MEOX2: variants seen among roughly 807,000 people sequenced by gnomAD.
MEOX2 encodes the protein mesenchyme homeobox 2.
MEOX2 carries 11 observed loss-of-function variants against 27.0 expected under a neutral mutation model. That is an observed-to-expected ratio of 0.41 (90% CI 0.26 to 0.68). MEOX2 has a LOEUF of 0.68. MEOX2 is among the 30% of genes least tolerant of loss of function. The pLI is 0.33. For missense variants in MEOX2, 436 were observed against 385.4 expected (o/e 1.13, Z -1.10); for synonymous variants, 189 against 155.4 (o/e 1.22, Z -1.61).
At chr7:15,653,847 C>T (rs146328408) in intron 1 of MEOX2, among the ~76,000 whole-genome samples, 11 of 151,964 alleles carry the variant, frequency 7.2e-5, no homozygotes, top group Non-Finnish European at 1.2e-4. Flanking sequence ...AAATAGAATC[C>T]GCTACTTCTT....
chr7:15,669,922 CT>C (rs1460235556), intron 1 of MEOX2, among the ~76,000 whole-genome samples: 11 of 152,188 alleles, frequency 7.2e-5, no homozygotes. Context: ...TACTTTCCCC[CT>C]GGAAAATCTA....
chr7:15,651,894 G>C (rs1229199821), intron 1 of MEOX2, among the ~76,000 whole-genome samples: 2 of 151,938 alleles, frequency 1.3e-5, no homozygotes, highest in Non-Finnish European at 2.9e-5. Flanking sequence ...ATCATTAACA[G>C]ACTGACATGA....
chr7:15,686,467 T>C lies in MEOX2; in HGVS notation c.-65A>G. 7.3e-7 allele frequency: 1 copy of C among 1,374,538 alleles called. No homozygotes were observed. 85.1% of individuals were successfully genotyped at this position (1,374,538 alleles called of 1,614,324 possible). On this transcript the variant is annotated 5_prime_UTR_variant, in exon 1 of 3. Transcript: ENST00000262041. ...CGGTTCCAAAGGCCACCACCCTCTG[T>C]CACTTTTTCACTGGAAACCGTGTGA...
intron 1 of MEOX2, among the ~76,000 whole-genome samples, chr7:15,675,481 C>T (rs912330912): frequency 2.6e-5 from 4 of 152,140 alleles, no homozygotes; most frequent in African/African-American, 9.7e-5. Flanking sequence ...AGACTAAAAA[C>T]TTAAGGCTTC....
chr7:15,644,935 T>C (rs766055683), intron 1 of MEOX2, among the ~76,000 whole-genome samples: 1 of 152,126 alleles, frequency 6.6e-6, no homozygotes, highest in Non-Finnish European at 1.5e-5. Flanking sequence ...CTAGAGCCTC[T>C]ACTCACTGGC....
intron 2 of MEOX2, among the ~76,000 whole-genome samples, chr7:15,616,717 A>G (rs1489317052): frequency 2.0e-5 from 3 of 152,082 alleles, no homozygotes; most frequent in Non-Finnish European, 2.9e-5. Context: ...ATATAATAAG[A>G]TTAATTTATA....
rs192539575 is a variant in MEOX2, at chr7:15,655,082, T to A, written c.518-28164A>T. On this transcript the variant is annotated intron_variant, in intron 1 of 2. Coordinates refer to ENST00000262041, the MANE Select transcript of MEOX2 (RefSeq NM_005924.5). ...AAATAAATTTAGAACTATTCAAAAA[T>A]TTTTTTCATATTGGGTGAATTGCAC... Among the ~76,000 whole-genome samples, 19 of 151,784 alleles carry A rather than the reference T, an allele frequency of 1.3e-4. No homozygotes were observed. In the Middle Eastern group the frequency reaches 0.014, roughly 109 times the overall value.
At chr7:15,672,111 A>AAAAAAAAC (rs1782110025) in intron 1 of MEOX2, among the ~76,000 whole-genome samples, 1 of 145,682 alleles carries the variant, frequency 6.9e-6, no homozygotes, top group African/African-American at 2.8e-5. Flanking sequence ...CAAAAAAAAC[A>AAAAAAAAC]AAAAAACAAA....
chr7:15,671,403 T>C (rs58216720), intron 1 of MEOX2, among the ~76,000 whole-genome samples: 169 of 152,330 alleles, frequency 1.1e-3, no homozygotes, highest in African/African-American at 3.9e-3. Context: ...CCTATCAAAA[T>C]GTGTTGCAAT....
At chr7:15,672,288 T>G (rs1445243850) in intron 1 of MEOX2, among the ~76,000 whole-genome samples, 1 of 152,224 alleles carries the variant, frequency 6.6e-6, no homozygotes, top group East Asian at 1.9e-4. Context: ...TAGACTGGCA[T>G]ATTAAATACT....
chr7:15,616,480 A>G (rs1324494056), intron 2 of MEOX2, among the ~76,000 whole-genome samples: 2 of 151,950 alleles, frequency 1.3e-5, no homozygotes, highest in Non-Finnish European at 2.9e-5. Flanking sequence ...ATTCCAGGTT[A>G]TAAATCAATA....
intron 1 of MEOX2, among the ~76,000 whole-genome samples, chr7:15,654,425 A>G (rs1467078278): frequency 2.0e-5 from 3 of 151,572 alleles, no homozygotes; most frequent in Non-Finnish European, 4.4e-5. Context: ...GCCTTATTGA[A>G]TTGGCTATAC....
chr7:15,660,235 A>T (rs1781891066), intron 1 of MEOX2, among the ~76,000 whole-genome samples: 1 of 152,348 alleles, frequency 6.6e-6, no homozygotes, highest in South Asian at 2.1e-4. Flanking sequence ...ATGGAAAATC[A>T]TACTCTTCTG....
At chr7:15,620,679 T>G (rs763307859) in intron 2 of MEOX2, among the ~76,000 whole-genome samples, 4 of 152,228 alleles carry the variant, frequency 2.6e-5, no homozygotes, top group Non-Finnish European at 4.4e-5. Context: ...ATAGCTATTT[T>G]GAAAATACTT....
At chr7:15,620,776 G>A (rs1014244947) in intron 2 of MEOX2, among the ~76,000 whole-genome samples, 4 of 152,070 alleles carry the variant, frequency 2.6e-5, no homozygotes, top group Non-Finnish European at 4.4e-5. Context: ...TCGTTAGGTG[G>A]GATTTTCCAT....
rs1205273561 is a variant in MEOX2 at position 15,686,265 on chromosome 7, T to A, written c.138A>T (p.Ser46=). Residue 46 remains serine (S), a synonymous_variant, in exon 1 of 3, where the codon TCA becomes TCT. Transcript: ENST00000262041. ...TGGGGTATCCCGCGATTATGCAAGATGAGGAAGAAGTAGAGAGCTCGGGGT... is the reference window on the plus strand; with the variant it reads ...TGGGGTATCCCGCGATTATGCAAGAAGAGGAAGAAGTAGAGAGCTCGGGGT... ...MSYPELSTSS[S]SCIIAGYPNE... 2 of 1,612,988 alleles carry A rather than the reference T, an allele frequency of 1.2e-6. No individual in the cohort carries two copies. Among genetic ancestry groups the A allele is most frequent in the Admixed American group, 1.7e-5 (1 of 59,860 alleles).
chr7:15,676,595 G>A (rs1390838944), intron 1 of MEOX2, among the ~76,000 whole-genome samples: 2 of 152,078 alleles, frequency 1.3e-5, no homozygotes, highest in Non-Finnish European at 1.5e-5. Flanking sequence ...TTCTGGCCGG[G>A]CGCGGTGGCT....
intron 2 of MEOX2, among the ~76,000 whole-genome samples, chr7:15,615,757 T>C (rs1436755913): frequency 6.6e-6 from 1 of 152,064 alleles, no homozygotes; most frequent in Non-Finnish European, 1.5e-5. Context: ...GGATATTTTC[T>C]CATGGACAAT....
At position 15,612,268 on chromosome 7, in the gene MEOX2, CT is replaced by C. The variant is rs1781044478; in HGVS notation, c.*118del. ...ATCATGAAAAACAGATTCGAAATGC[CT>C]GGATTTAATAATATTAAACATCACT... On this transcript the variant is annotated 3_prime_UTR_variant, in exon 3 of 3. Coordinates refer to ENST00000262041, the MANE Select transcript of MEOX2 (RefSeq NM_005924.5). 1.2e-6 allele frequency: 1 copy of C among 827,284 alleles called. No homozygotes were observed. The highest frequency in any genetic ancestry group is 1.9e-6 in the Non-Finnish European group (1 of 517,384). The allele number at this position is 827,284 out of a possible 1,614,324, so 51.2% of individuals were successfully genotyped here. A position where few individuals can be genotyped will look rare whatever the true frequency, so the allele number is the denominator to read the frequency against.
Sources: allele counts gnomAD v4.1 joint callset (sites outside exome capture counted in the v4.1 genomes callset), GRCh38; gene constraint gnomAD v4.1.1; transcripts MANE v1.5; gene names NCBI Gene and HGNC (gene_info 2026-07-23, HGNC 2026-07-21).